Variants in COL8A2 observed in about 807,000 individuals in gnomAD.
COL8A2 encodes the protein collagen alpha-2(VIII) chain.
A neutral mutation model predicts 24.0 loss-of-function variants in COL8A2; 16 were observed. That is an observed-to-expected ratio of 0.67 (90% CI 0.45 to 1.01). The LOEUF (loss-of-function observed/expected upper bound fraction) is 1.01. COL8A2 is among the 50% of genes least tolerant of loss of function. The pLI, the probability that COL8A2 is intolerant of heterozygous loss-of-function variation, is 0.00. For synonymous variants in COL8A2, 466 were observed against 424.5 expected, an observed-to-expected ratio of 1.10 and a Z score of -1.20; for missense variants, 818 against 942.4, an observed-to-expected ratio of 0.87 and a Z score of 1.73.
chr1:36,101,570 G>A (rs1012685318), intron 2 of COL8A2, among the ~76,000 whole-genome samples: 2 of 152,188 alleles, frequency 1.3e-5, no homozygotes, highest in African/African-American at 4.8e-5. Context: ...CCAGCTGTGG[G>A]AGCCTGGGCA....
intron 2 of COL8A2, among the ~76,000 whole-genome samples, chr1:36,109,929 CTTTT>C (rs35479902): frequency 3.3e-5 from 3 of 92,044 alleles, no homozygotes; most frequent in African/African-American, 4.2e-5. Flanking sequence ...CCTTTACTTC[CTTTT>C]TTTTTTTTTT....
chr1:36,100,861 T>C (rs1053684683), intron 2 of COL8A2, among the ~76,000 whole-genome samples: 1 of 150,964 alleles, frequency 6.6e-6, no homozygotes, highest in African/African-American at 2.4e-5. Context: ...GGATCAAGTC[T>C]ATGGCGCTTA....
intron 1 of COL8A2, among the ~76,000 whole-genome samples, chr1:36,120,488 G>A (rs148230525): frequency 2.2e-4 from 34 of 151,376 alleles, no homozygotes; most frequent in African/African-American, 6.6e-4. Context: ...AATGGCTCAC[G>A]CCTGTAACCC....
chr1:36,099,778 C>G (rs1160275115), intron 3 of COL8A2, among the ~76,000 whole-genome samples: 5 of 152,176 alleles, frequency 3.3e-5, no homozygotes, highest in Admixed American at 3.3e-4. Flanking sequence ...GGAGTGGCCA[C>G]CAGGTGGCAC....
chr1:36,105,784 CAAAA>C (rs1323420232), intron 2 of COL8A2, among the ~76,000 whole-genome samples: 1 of 151,354 alleles, frequency 6.6e-6, no homozygotes, highest in East Asian at 1.9e-4. Flanking sequence ...CTGTCTCTAC[CAAAA>C]AAATTAAAAA....
intron 2 of COL8A2, among the ~76,000 whole-genome samples, chr1:36,112,223 T>G (rs1643853461): frequency 6.6e-6 from 1 of 152,088 alleles, no homozygotes; most frequent in Non-Finnish European, 1.5e-5. Flanking sequence ...CAGGATGGTC[T>G]CGATCTCCTG....
In COL8A2 at chr1:36,097,869, G is replaced by A; in HGVS notation, c.1812C>T (p.Gly604=). 6.2e-7 allele frequency: 1 copy of A among 1,612,666 alleles called. No homozygotes were observed. Among genetic ancestry groups the A allele is most frequent in the Admixed American group, 1.7e-5 (1 of 60,030 alleles). The stretch of plus-strand genomic sequence containing the variant: ...TGAAGATGCCAGTGGCTGGGTTGTA[G>A]CCGCTGTGGCCATTGTAGAGAGTCC... ...FDRTLYNGHS[G]YNPATGIFTC... The change falls in exon 4 of 4, where the codon GGC becomes GGT. Residue 604 remains glycine, a synonymous_variant. Transcript: ENST00000397799.
rs567048794 is a variant in COL8A2, at chr1:36,097,445, G to T, written c.*124C>A. 1.3e-6 allele frequency: 1 copy of T among 798,096 alleles called. No individual in the cohort carries two copies. Among genetic ancestry groups the T allele is most frequent in the Non-Finnish European group, 2.1e-6 (1 of 487,332 alleles). 49.4% of individuals were successfully genotyped at this position (798,096 alleles called of 1,614,324 possible). On this transcript the variant is annotated 3_prime_UTR_variant, in exon 4 of 4. Transcript: ENST00000397799. ...AGGGAGAAAGCAAGTTAGTCTCCTCGGGCCAAGGCCACGGCCGCCTCTGTT... is the reference window on the plus strand; with the variant it reads ...AGGGAGAAAGCAAGTTAGTCTCCTCTGGCCAAGGCCACGGCCGCCTCTGTT...
intron 1 of COL8A2, among the ~76,000 whole-genome samples, chr1:36,124,111 G>A (rs1296384448): frequency 6.6e-6 from 1 of 152,164 alleles, no homozygotes; most frequent in African/African-American, 2.4e-5. Flanking sequence ...AGGAGTGGAT[G>A]AGCCCCTGCT....
chr1:36,107,903 G>A (rs570995600), intron 2 of COL8A2, among the ~76,000 whole-genome samples: 2 of 152,160 alleles, frequency 1.3e-5, no homozygotes, highest in Admixed American at 6.5e-5. Flanking sequence ...CTGGCTGGAC[G>A]CCTCCCTTGA....
intron 1 of COL8A2, among the ~76,000 whole-genome samples, chr1:36,121,459 C>T (rs1215133699): frequency 7.0e-6 from 1 of 143,468 alleles, no homozygotes; most frequent in African/African-American, 2.6e-5. Flanking sequence ...AGTGGCTCAC[C>T]CCTGTAATCA....
At chr1:36,124,549 T>TAGG (rs1375131421) in intron 1 of COL8A2, among the ~76,000 whole-genome samples, 1 of 151,874 alleles carries the variant, frequency 6.6e-6, no homozygotes, top group Non-Finnish European at 1.5e-5. Context: ...GCACCTAGAA[T>TAGG]AGGAGGAACC....
intron 1 of COL8A2, among the ~76,000 whole-genome samples, chr1:36,124,771 C>T (rs567716820): frequency 1.3e-5 from 2 of 151,898 alleles, no homozygotes; most frequent in African/African-American, 4.8e-5. Context: ...GCCACATCGT[C>T]GGGGGTTGCA....
intron 1 of COL8A2, among the ~76,000 whole-genome samples, chr1:36,121,628 A>G (rs953454516): frequency 1.3e-4 from 19 of 150,756 alleles, no homozygotes; most frequent in African/African-American, 4.4e-4. Flanking sequence ...GAATCTTTCA[A>G]CCTGGGAGGT....
chr1:36,099,360 G>C lies in COL8A2; in HGVS notation c.321C>G (p.Leu107=), dbSNP rs1392206671. 1 of 1,579,176 alleles carries C rather than the reference G, an allele frequency of 6.3e-7. No individual in the cohort carries two copies. The highest frequency in any genetic ancestry group is 1.3e-5 in the African/African-American group (1 of 74,082). The change falls in exon 4 of 4, where the codon CTC becomes CTG. Residue 107 remains leucine (L), a synonymous_variant. Coordinates refer to ENST00000397799, the MANE Select transcript of COL8A2 (RefSeq NM_005202.4). ...GCCCAGCAGGGCCAGGCTGCCCATG[G>C]AGTCCTGGCTTTCCCATGCCTGGTT... The part of the protein sequence containing the change: ...PGKPGMGKPG[L]HGQPGPAGPP...
In COL8A2 at chr1:36,100,245, C is replaced by G; in HGVS notation, c.-3G>C. On this transcript the variant is annotated 5_prime_UTR_variant, in exon 3 of 4. Transcript: ENST00000397799. ...AGGGGTGTCAGAGTCCCCAGCATGG[C>G]GTCCGTGGACGTGCTGCAAAGAAGA... 1 of 1,549,528 alleles carries G rather than the reference C, an allele frequency of 6.5e-7. No individual in the cohort carries two copies. Among genetic ancestry groups the G allele is most frequent in the Middle Eastern group, 1.7e-4 (1 of 5,992 alleles).
intron 2 of COL8A2, among the ~76,000 whole-genome samples, chr1:36,105,807 G>T (rs1484710752): frequency 6.6e-6 from 1 of 152,074 alleles, no homozygotes; most frequent in Non-Finnish European, 1.5e-5. Context: ...AAGTTAGCCA[G>T]ACTTGGTGGC....
rs1643585662 is a variant in COL8A2 at position 36,097,453 on chromosome 1, G to A, written c.*116C>T. The A allele has an allele frequency of 4.6e-6, 4 of 871,924 alleles. No homozygotes were observed. The highest frequency in any genetic ancestry group is 3.3e-5 in the South Asian group (2 of 60,896). 54.0% of individuals were successfully genotyped at this position (871,924 alleles called of 1,614,324 possible). A position where few individuals can be genotyped will look rare whatever the true frequency, so the allele number is the denominator to read the frequency against. On this transcript the variant is annotated 3_prime_UTR_variant, in exon 4 of 4. Transcript: ENST00000397799. ...AGCAAGTTAGTCTCCTCGGGCCAAG[G>A]CCACGGCCGCCTCTGTTCAGCTTTT...
chr1:36,100,016 G>A lies in COL8A2; in HGVS notation c.193+34C>T, dbSNP rs274754. The A allele has an allele frequency of 0.73, 1,167,611 of 1,595,172 alleles. 442,715 individuals are homozygous for A. Among genetic ancestry groups the A allele is most frequent in the Non-Finnish European group, 0.79 (925,274 of 1,164,410 alleles). Reference sequence around the variant, plus strand: ...GGCAGGGGATTTGGGGGCTGGGAGCGATTTGAGGCACTGTGGGGTGAGGAG... The same window carrying A: ...GGCAGGGGATTTGGGGGCTGGGAGCAATTTGAGGCACTGTGGGGTGAGGAG... On this transcript the variant is annotated intron_variant, in intron 3 of 3. Transcript: ENST00000397799.
Sources: allele counts gnomAD v4.1 joint callset (sites outside exome capture counted in the v4.1 genomes callset), GRCh38; gene constraint gnomAD v4.1.1; transcripts MANE v1.5; gene names NCBI Gene and HGNC (gene_info 2026-07-23, HGNC 2026-07-21).